A1CF: variants seen among roughly 807,000 people sequenced by gnomAD.
A1CF encodes the protein APOBEC-1 stimulating protein.
Under a neutral mutation model 68.9 loss-of-function variants are expected in A1CF, and 48 were observed. That is an observed-to-expected ratio of 0.70 (90% CI 0.55 to 0.89). The LOEUF is 0.89. Among genes scored for constraint, A1CF ranks in the 40% least tolerant of loss-of-function variants. The pLI, the probability that A1CF is intolerant of heterozygous loss-of-function variation, is 0.00. For missense variants in A1CF, 653 were observed against 718.9 expected, an observed-to-expected ratio of 0.91 and a Z score of 1.05; for synonymous variants, 272 against 260.4, an observed-to-expected ratio of 1.04 and a Z score of -0.43.
chr10:50,850,028 A>G (rs1840167896), intron 3 of A1CF, among the ~76,000 whole-genome samples: 2 of 152,230 alleles, frequency 1.3e-5, no homozygotes, highest in African/African-American at 4.8e-5. Context: ...AATTCTAAAT[A>G]AATAATATTG....
chr10:50,857,354 T>A (rs1840530372), intron 3 of A1CF, among the ~76,000 whole-genome samples: 2 of 152,080 alleles, frequency 1.3e-5, no homozygotes, highest in Admixed American at 1.3e-4. Context: ...ATGTAATAAA[T>A]TATCATTAAC....
intron 8 of A1CF, among the ~76,000 whole-genome samples, chr10:50,820,283 T>C (rs1328606928): frequency 1.3e-5 from 2 of 152,226 alleles, no homozygotes; most frequent in Non-Finnish European, 2.9e-5. Flanking sequence ...TGAAATAATC[T>C]ACTTAAATCT....
At chr10:50,864,652 C>G (rs1313632220) in intron 1 of A1CF, among the ~76,000 whole-genome samples, 2 of 151,910 alleles carry the variant, frequency 1.3e-5, no homozygotes, top group Non-Finnish European at 2.9e-5. Context: ...GAGTTTTGCT[C>G]TTGTTGCCCA....
intron 5 of A1CF, among the ~76,000 whole-genome samples, chr10:50,841,435 C>T (rs963363558): frequency 6.6e-6 from 1 of 152,192 alleles, no homozygotes; most frequent in Non-Finnish European, 1.5e-5. Flanking sequence ...TTAAGTTTCA[C>T]TCTGCCAGAG....
chr10:50,833,268 C>A (rs978083107), intron 6 of A1CF, among the ~76,000 whole-genome samples: 2 of 152,128 alleles, frequency 1.3e-5, no homozygotes, highest in African/African-American at 4.8e-5. Context: ...GTTGTAAATG[C>A]GAATTACCTG....
At chr10:50,848,807 T>C (rs1440310941) in intron 3 of A1CF, among the ~76,000 whole-genome samples, 1 of 152,220 alleles carries the variant, frequency 6.6e-6, no homozygotes, top group Non-Finnish European at 1.5e-5. Flanking sequence ...CCTTGGGTCC[T>C]AGCCAAATCT....
At position 50,841,964 on chromosome 10, in the gene A1CF, A is replaced by T; in HGVS notation, c.263T>A (p.Met88Lys). ...KIGKIYEMRM[M>K]MDFNGNNRGY... ...TCTATTGTTGCCATTAAAATCCATC[A>T]TCATTCTCATTTCATAAATTTTACC... Residue 88 changes from methionine (M) to lysine (K), a missense_variant, in exon 5 of 13, where the codon ATG (methionine) becomes AAG (lysine). Transcript: ENST00000373997. The T allele has an allele frequency of 2.5e-6, 4 of 1,609,352 alleles. No individual in the cohort carries two copies. Among genetic ancestry groups the T allele is most frequent in the Non-Finnish European group, 3.4e-6 (4 of 1,176,996 alleles).
chr10:50,866,844 AACAG>A (rs1841014376), intron 1 of A1CF, among the ~76,000 whole-genome samples: 1 of 152,162 alleles, frequency 6.6e-6, no homozygotes, highest in South Asian at 2.1e-4. Flanking sequence ...CAGCTAGGGA[AACAG>A]ACAAAGAGGG....
intron 6 of A1CF, chr10:50,828,512 G>A (rs954517882): frequency 8.0e-6 from 3 of 375,032 alleles, no homozygotes; most frequent in Middle Eastern, 7.2e-4. Context: ...TATAACTATC[G>A]ATTATAAAGG....
At chr10:50,810,904 A>C in intron 11 of A1CF, 136 bp downstream of exon 11, 2 of 1,049,882 alleles carry the variant, frequency 1.9e-6, no homozygotes, top group Non-Finnish European at 2.6e-6. Flanking sequence ...TCCCAACTAC[A>C]CATCTCAATA....
chr10:50,816,484 C>A, intron 8 of A1CF: 2 of 573,164 alleles, frequency 3.5e-6, no homozygotes, highest in East Asian at 2.9e-5. Context: ...AAGATGCCAA[C>A]AGGTTTGACA....
rs1238522759 is a variant in A1CF, at chr10:50,859,830, A to G, written c.99+12T>C. 6.2e-7 allele frequency: 1 copy of G among 1,611,616 alleles called. No individual in the cohort carries two copies. Among genetic ancestry groups the G allele is most frequent in the South Asian group, 1.1e-5 (1 of 90,734 alleles). On this transcript the variant is annotated intron_variant, in intron 3 of 12. Transcript: ENST00000373997. ...TCAGTGGTGAGTCTCAGCAGATTTC[A>G]CAAGTTCCTACCTGGACCAAGCTAT... is the stretch of plus-strand genomic sequence containing the variant.
chr10:50,813,104 T>A (rs1588966587), intron 10 of A1CF, among the ~76,000 whole-genome samples: 1 of 152,358 alleles, frequency 6.6e-6, no homozygotes, highest in East Asian at 1.9e-4. Context: ...GTAACTCTGA[T>A]TATTCAGCCA....
At chr10:50,821,075 T>G (rs1295085538) in intron 7 of A1CF, among the ~76,000 whole-genome samples, 1 of 152,212 alleles carries the variant, frequency 6.6e-6, no homozygotes, top group African/African-American at 2.4e-5. Context: ...TTGTCTTATG[T>G]AATTAACTTT....
chr10:50,864,775 C>T (rs937694805), intron 1 of A1CF, among the ~76,000 whole-genome samples: 4 of 151,988 alleles, frequency 2.6e-5, no homozygotes, highest in Non-Finnish European at 4.4e-5. Context: ...GGCACCACTA[C>T]GCCTGGCTAA....
intron 3 of A1CF, among the ~76,000 whole-genome samples, chr10:50,851,733 A>C (rs1840253549): frequency 6.6e-6 from 1 of 152,200 alleles, no homozygotes. Flanking sequence ...CTGAGAGAGA[A>C]CTGAAAGTGG....
intron 3 of A1CF, among the ~76,000 whole-genome samples, chr10:50,844,360 C>T (rs1839906601): frequency 6.6e-6 from 1 of 150,686 alleles, no homozygotes; most frequent in Non-Finnish European, 1.5e-5. Flanking sequence ...AACTGCTAGG[C>T]AAATATTTTT....
intron 1 of A1CF, among the ~76,000 whole-genome samples, chr10:50,872,031 A>C (rs2132584841): frequency 6.6e-6 from 1 of 152,234 alleles, no homozygotes; most frequent in African/African-American, 2.4e-5. Flanking sequence ...TATTATCTGT[A>C]ATATACAGAT....
In A1CF at chr10:50,841,895, T is replaced by C. The variant is rs1255724185; in HGVS notation, c.332A>G (p.Asn111Ser). ...VTFSNKVEAK[N>S]AIKQLNNYEI... is the part of the protein sequence containing the mutation. Reference sequence around the variant, plus strand: ...ATAATTATTAAGTTGCTTGATTGCATTCTTGGCTTCCACTTTATTTGAAAA... The same window carrying C: ...ATAATTATTAAGTTGCTTGATTGCACTCTTGGCTTCCACTTTATTTGAAAA... The change falls in exon 5 of 13, where the codon AAT (asparagine) becomes AGT (serine). Residue 111 changes from asparagine to serine, a missense_variant. By Grantham distance (46) the Asn-to-Ser change is conservative (BLOSUM62 1). Transcript: ENST00000373997. The C allele has an allele frequency of 3.7e-6, 6 of 1,613,508 alleles. No homozygotes were observed. The South Asian group carries it at 6.6e-5, about 18-fold the overall frequency.
Sources: gnomAD v4.1 joint callset for allele counts (sites outside exome capture counted in the v4.1 genomes callset) on GRCh38, gnomAD v4.1.1 for gene constraint, MANE v1.5 for transcripts, NCBI Gene and HGNC (gene_info 2026-07-23, HGNC 2026-07-21) for gene names.